Variants in PKNOX2 observed in about 807,000 individuals in gnomAD.
The protein encoded by PKNOX2 is homeobox protein PKNOX2.
Under a neutral mutation model 53.1 loss-of-function variants are expected in PKNOX2, and 14 were observed. That is an observed-to-expected ratio of 0.26 (90% CI 0.17 to 0.41). PKNOX2 has a LOEUF of 0.41. Ranked by LOEUF, PKNOX2 falls within the 10% of genes least tolerant of loss-of-function variation. The pLI, the probability that PKNOX2 is intolerant of heterozygous loss-of-function variation, is 1.00. For synonymous variants in PKNOX2, 257 were observed against 242.8 expected (o/e 1.06, Z -0.54); for missense variants, 496 against 602.8 (o/e 0.82, Z 1.85).
At chr11:125,340,171 A>C (rs760453096) in intron 3 of PKNOX2, among the ~76,000 whole-genome samples, 3 of 152,206 alleles carry the variant, frequency 2.0e-5, no homozygotes, top group Non-Finnish European at 4.4e-5. Flanking sequence ...CTACCGTGGG[A>C]AGGCACAGAG....
chr11:125,337,730 C>T (rs1014380422), intron 3 of PKNOX2, among the ~76,000 whole-genome samples: 3 of 142,546 alleles, frequency 2.1e-5, no homozygotes, highest in East Asian at 3.9e-4. Context: ...TTTCCTTTGT[C>T]GTCTGTTTTC....
intron 1 of PKNOX2, among the ~76,000 whole-genome samples, chr11:125,178,609 G>GGAAGGAAAGAAAGAAAGAAAGAAA (rs1555108355): frequency 6.5e-5 from 3 of 46,260 alleles, no homozygotes; most frequent in East Asian, 2.0e-3. Flanking sequence ...AAGGAAGGAA[G>GGAAGGAAAGAAAGAAAGAAAGAAA]GAAAGAAAGA....
chr11:125,383,397 G>A (rs1183095210), intron 5 of PKNOX2, among the ~76,000 whole-genome samples: 2 of 149,642 alleles, frequency 1.3e-5, no homozygotes, highest in African/African-American at 4.9e-5. Flanking sequence ...ATCACTTGAG[G>A]TCACAGTTTA....
chr11:125,231,744 A>G, intron 1 of PKNOX2, among the ~76,000 whole-genome samples: 1 of 150,102 alleles, frequency 6.7e-6, no homozygotes, highest in South Asian at 2.1e-4. Flanking sequence ...GTGTGTGGAG[A>G]GAGAGAGAAA....
chr11:125,381,083 T>C (rs1007484333), intron 5 of PKNOX2, among the ~76,000 whole-genome samples: 1 of 152,070 alleles, frequency 6.6e-6, no homozygotes, highest in African/African-American at 2.4e-5. Flanking sequence ...GGCAGTGCAG[T>C]GTCTCAGGTA....
At chr11:125,285,128 G>A (rs1946815277) in intron 2 of PKNOX2, among the ~76,000 whole-genome samples, 1 of 152,100 alleles carries the variant, frequency 6.6e-6, no homozygotes, top group African/African-American at 2.4e-5. Context: ...AAGCAATCAA[G>A]CCATGGAGAC....
intron 2 of PKNOX2, among the ~76,000 whole-genome samples, chr11:125,318,255 C>T (rs1003316227): frequency 9.2e-5 from 14 of 151,856 alleles, no homozygotes; most frequent in South Asian, 4.2e-4. Context: ...TACAGGCACC[C>T]GCCATCATGC....
At chr11:125,298,373 G>A (rs1379588698) in intron 2 of PKNOX2, among the ~76,000 whole-genome samples, 1 of 152,160 alleles carries the variant, frequency 6.6e-6, no homozygotes, top group East Asian at 1.9e-4. Context: ...TGGAAGCGGC[G>A]CGTTTGTCAC....
At chr11:125,341,757 G>A (rs1350027725) in intron 3 of PKNOX2, among the ~76,000 whole-genome samples, 1 of 152,264 alleles carries the variant, frequency 6.6e-6, no homozygotes, top group Non-Finnish European at 1.5e-5. Context: ...AAGAAACACA[G>A]CAAAAGGCAC....
At chr11:125,418,919 C>T (rs781495762) in intron 10 of PKNOX2, among the ~76,000 whole-genome samples, 5 of 151,802 alleles carry the variant, frequency 3.3e-5, no homozygotes, top group African/African-American at 7.3e-5. Flanking sequence ...TTAAAATGTA[C>T]GGGAGGATGT....
intron 2 of PKNOX2, among the ~76,000 whole-genome samples, chr11:125,241,675 T>C (rs1943157453): frequency 6.6e-6 from 1 of 152,094 alleles, no homozygotes; most frequent in Admixed American, 6.6e-5. Flanking sequence ...ACCAACATGG[T>C]GAAACCCTGT....
At chr11:125,206,978 G>C (rs1939192713) in intron 1 of PKNOX2, among the ~76,000 whole-genome samples, 2 of 150,990 alleles carry the variant, frequency 1.3e-5, no homozygotes, top group Admixed American at 1.3e-4. Flanking sequence ...GTGAGAGAGG[G>C]AGGGGCTGGG....
Position 125,352,762 on chromosome 11 carries a change from C to T in PKNOX2, c.87+1370C>T, listed in dbSNP as rs1232716655. Among the ~76,000 whole-genome samples the T allele has an allele frequency of 2.0e-5, 3 of 152,302 alleles. No individual in the cohort carries two copies. The highest frequency in any genetic ancestry group is 7.2e-5 in the African/African-American group (3 of 41,574). The stretch of plus-strand genomic sequence containing the variant: ...CGCTCCCACATATCAAATCATATTA[C>T]TTCCCCAGCTCTCCCAGCCTAACCC... On this transcript the variant is annotated intron_variant, in intron 4 of 12. Transcript: ENST00000298282. The surrounding 1 kb of genome is among the most constrained non-coding windows in gnomAD (Gnocchi z 4.1).
intron 7 of PKNOX2, among the ~76,000 whole-genome samples, chr11:125,402,374 G>A (rs971302375): frequency 7.9e-5 from 12 of 152,164 alleles, no homozygotes; most frequent in Non-Finnish European, 1.6e-4. Flanking sequence ...CCTTCCTAGA[G>A]GGCGCAAATG....
At chr11:125,389,314 C>T (rs1953874195) in intron 6 of PKNOX2, among the ~76,000 whole-genome samples, 1 of 152,204 alleles carries the variant, frequency 6.6e-6, no homozygotes, top group Admixed American at 6.5e-5. Flanking sequence ...CCCAGGTCAG[C>T]TGACTCCTGA....
At chr11:125,219,653 G>C (rs1170639114) in intron 1 of PKNOX2, among the ~76,000 whole-genome samples, 3 of 152,294 alleles carry the variant, frequency 2.0e-5, no homozygotes, top group East Asian at 3.9e-4. Context: ...TAATGTATGA[G>C]AGCATGATCA....
Position 125,268,743 on chromosome 11 carries a change from G to T in PKNOX2, c.-130+33628G>T, listed in dbSNP as rs529878608. Among the ~76,000 whole-genome samples the T allele has an allele frequency of 1.3e-4, 19 of 151,410 alleles. No individual in the cohort carries two copies. In the East Asian group the frequency reaches 1.8e-3, roughly 14 times the overall value. On this transcript the variant is annotated intron_variant, in intron 2 of 12. Transcript: ENST00000298282. The stretch of plus-strand genomic sequence containing the variant: ...TCAAGAAGACATCAGTTCAGTGGTG[G>T]TATTCTGCCTGTGCCTGTGAGATCT...
chr11:125,364,680 G>A lies in PKNOX2; in HGVS notation c.88-3166G>A, dbSNP rs534101989. Reference sequence around the variant, plus strand: ...TTGCTTTATGGCAGAAGTACATTCCGGAAATCTCGTGTTTAATAATAACAA... The same window carrying A: ...TTGCTTTATGGCAGAAGTACATTCCAGAAATCTCGTGTTTAATAATAACAA... On this transcript the variant is annotated intron_variant, in intron 4 of 12. Transcript: ENST00000298282. 7.9e-5 allele frequency among the ~76,000 whole-genome samples: 12 copies of A among 152,304 alleles called. 1 individual carries two copies. Among genetic ancestry groups the A allele is most frequent in the Admixed American group, 6.5e-4 (10 of 15,292 alleles).
intron 3 of PKNOX2, among the ~76,000 whole-genome samples, chr11:125,335,773 G>T (rs1950405510): frequency 6.6e-6 from 1 of 152,210 alleles, no homozygotes; most frequent in South Asian, 2.1e-4. Flanking sequence ...AGCTATGATT[G>T]CTCCACTGTA....
Sources: gnomAD v4.1 joint callset for allele counts (sites outside exome capture counted in the v4.1 genomes callset) on GRCh38, gnomAD v4.1.1 for gene constraint, Gnocchi (gnomAD v3.1) non-coding constraint, MANE v1.5 for transcripts, NCBI Gene and HGNC (gene_info 2026-07-23, HGNC 2026-07-21) for gene names.